The following GBF1 variants were observed in gnomAD, a reference collection of about 807,000 sequenced individuals.
GBF1 encodes the protein Golgi-specific brefeldin A-resistance guanine nucleotide exchange factor 1.
GBF1 carries 114 observed loss-of-function variants against 210.5 expected under a neutral mutation model. That is an observed-to-expected ratio of 0.54 (90% CI 0.47 to 0.63). The LOEUF is 0.63. GBF1 is among the 30% of genes least tolerant of loss of function. The pLI is 0.00. For missense variants in GBF1, 1,851 were observed against 2,357.7 expected (o/e 0.79, Z 4.45); for synonymous variants, 850 against 889.2 (o/e 0.96, Z 0.78).
rs753850821 is a variant in GBF1 at position 102,369,713 on chromosome 10, A to G, written c.3153A>G (p.Val1051=). ...ATTATTTTGACTTACTTTTCCAGGTAGAAGATTTCGTGGATCCCAATGGCA... is the reference window on the plus strand; with the variant it reads ...ATTATTTTGACTTACTTTTCCAGGTGGAAGATTTCGTGGATCCCAATGGCA... ...AQLLPKAMIE[V]EDFVDPNGKI... The change falls in exon 25 of 40, where the codon GTA becomes GTG. Residue 1051 remains valine, a splice_region_variant and synonymous_variant. Transcript: ENST00000369983. 6.2e-7 allele frequency: 1 copy of G among 1,613,780 alleles called. No homozygotes were observed. Among genetic ancestry groups the G allele is most frequent in the South Asian group, 1.1e-5 (1 of 91,082 alleles).
intron 3 of GBF1, among the ~76,000 whole-genome samples, chr10:102,325,793 G>A (rs1332471305): frequency 6.6e-6 from 1 of 151,980 alleles, no homozygotes; most frequent in Non-Finnish European, 1.5e-5. Context: ...GGGATTACAG[G>A]CACATGCCAC....
chr10:102,262,534 T>C (rs1372680125), intron 3 of GBF1, among the ~76,000 whole-genome samples: 3 of 152,200 alleles, frequency 2.0e-5, no homozygotes, highest in African/African-American at 7.2e-5. Context: ...TGAAGGATTG[T>C]TGTTATAAGT....
intron 9 of GBF1, 136 bp downstream of exon 9, chr10:102,358,322 A>T (rs2059406613): frequency 2.2e-6 from 2 of 898,532 alleles, no homozygotes; most frequent in Non-Finnish European, 3.5e-6. Context: ...ACTCCAGGTC[A>T]AATCAGAGTG....
chr10:102,336,407 G>T (rs2057747915), intron 3 of GBF1, among the ~76,000 whole-genome samples: 1 of 151,444 alleles, frequency 6.6e-6, no homozygotes, highest in Non-Finnish European at 1.5e-5. Context: ...CAATATCTTA[G>T]TTATCTTTAT....
intron 1 of GBF1, among the ~76,000 whole-genome samples, chr10:102,253,290 C>A (rs949177967): frequency 1.3e-5 from 2 of 152,190 alleles, no homozygotes; most frequent in Non-Finnish European, 2.9e-5. Flanking sequence ...ACTGAGGCTG[C>A]ATGTATGTAT....
chr10:102,353,133 T>G (rs2059105129), intron 7 of GBF1, among the ~76,000 whole-genome samples: 1 of 152,154 alleles, frequency 6.6e-6, no homozygotes, highest in Admixed American at 6.5e-5. Context: ...ATAATAATCC[T>G]TATTATCTAC....
intron 1 of GBF1, among the ~76,000 whole-genome samples, chr10:102,246,028 T>C (rs2070783865): frequency 6.6e-6 from 1 of 152,138 alleles, no homozygotes; most frequent in African/African-American, 2.4e-5. Flanking sequence ...GGTGCCCAAA[T>C]CTTCTGTTTT....
rs2072996426 is a variant in GBF1, at chr10:102,260,097, G to A, written c.144G>A (p.Glu48=). Residue 48 remains glutamate, a synonymous_variant, in exon 3 of 40, where the codon GAG becomes GAA. Coordinates refer to ENST00000369983, the MANE Select transcript of GBF1 (RefSeq NM_001377137.1). ...TGCATAGTTTCGGTCATCTAAAGGA[G>A]GTTTTAAACAGTATAACAGGTAAGT... ...PLLHSFGHLK[E]VLNSITELSE... is the part of the protein sequence containing the mutation. The A allele has an allele frequency of 6.4e-7, 1 of 1,569,836 alleles. No homozygotes were observed. The highest frequency in any genetic ancestry group is 8.8e-7 in the Non-Finnish European group (1 of 1,140,266).
intron 6 of GBF1, 41 bp from the exon 7 acceptor site, chr10:102,352,417 G>C: frequency 7.3e-7 from 1 of 1,361,742 alleles, no homozygotes; most frequent in Middle Eastern, 1.8e-4. Flanking sequence ...TAATAGCACA[G>C]CAAGTAATGA....
At chr10:102,332,750 A>G (rs939602919) in intron 3 of GBF1, among the ~76,000 whole-genome samples, 5 of 152,172 alleles carry the variant, frequency 3.3e-5, no homozygotes, top group Admixed American at 6.6e-5. Flanking sequence ...AAGTGGATCT[A>G]TGGATCCTGA....
At chr10:102,320,324 A>G (rs1322202724) in intron 3 of GBF1, among the ~76,000 whole-genome samples, 1 of 151,988 alleles carries the variant, frequency 6.6e-6, no homozygotes, top group Non-Finnish European at 1.5e-5. Flanking sequence ...TTTAAACTGG[A>G]GTTCTTACAA....
chr10:102,246,873 G>A (rs956327284), intron 1 of GBF1, among the ~76,000 whole-genome samples: 1 of 152,220 alleles, frequency 6.6e-6, no homozygotes, highest in Non-Finnish European at 1.5e-5. Flanking sequence ...CCCTGTGGAG[G>A]ATACAAATGG....
chr10:102,362,386 G>C, intron 14 of GBF1, 89 bp from the exon 15 acceptor site: 1 of 959,838 alleles, frequency 1.0e-6, no homozygotes, highest in Non-Finnish European at 1.6e-6. Flanking sequence ...CAATGTACAA[G>C]TTAGAAGAAG....
intron 3 of GBF1, among the ~76,000 whole-genome samples, chr10:102,272,922 A>C (rs1369071730): frequency 6.6e-6 from 1 of 152,172 alleles, no homozygotes; most frequent in Non-Finnish European, 1.5e-5. Flanking sequence ...CATTATTTCA[A>C]GTTTGGCCAG....
At chr10:102,288,731 A>C (rs1026687887) in intron 3 of GBF1, among the ~76,000 whole-genome samples, 3 of 145,926 alleles carry the variant, frequency 2.1e-5, no homozygotes, top group Non-Finnish European at 4.6e-5. Context: ...GGAAAAAAAA[A>C]AAAACAAAAA....
chr10:102,368,541 T>TA, intron 22 of GBF1, 87 bp downstream of exon 22: 8 of 898,552 alleles, frequency 8.9e-6, no homozygotes, highest in Non-Finnish European at 1.5e-5. Context: ...CTCCTACTGT[T>TA]ACTTCATTAG....
At chr10:102,301,711 G>T (rs1180617363) in intron 3 of GBF1, among the ~76,000 whole-genome samples, 27 of 146,904 alleles carry the variant, frequency 1.8e-4, no homozygotes, top group African/African-American at 3.1e-4. Flanking sequence ...ACGATGGGCG[G>T]CTGGGCAGAG....
chr10:102,297,334 C>T (rs2076991055), intron 3 of GBF1, among the ~76,000 whole-genome samples: 1 of 152,208 alleles, frequency 6.6e-6, no homozygotes, highest in African/African-American at 2.4e-5. Flanking sequence ...AGATGCTTTG[C>T]TGTACAGTTA....
At chr10:102,238,037 A>G in the GBF1 span, among the ~76,000 whole-genome samples, 1 of 152,166 alleles carries the variant, frequency 6.6e-6, no homozygotes, top group African/African-American at 2.4e-5. Flanking sequence ...GAAAGGAGAA[A>G]CTATTAACTG....
Sources: allele counts gnomAD v4.1 joint callset (sites outside exome capture counted in the v4.1 genomes callset), GRCh38; gene constraint gnomAD v4.1.1; transcripts MANE v1.5; gene names NCBI Gene and HGNC (gene_info 2026-07-23, HGNC 2026-07-21).